TOP6BL: variants seen among roughly 807,000 people sequenced by gnomAD.
TOP6BL encodes TOP6B like initiator of meiotic double strand breaks, also known as type 2 DNA topoisomerase 6 subunit B-like.
chr11:66,792,973 T>A, the TOP6BL span, among the ~76,000 whole-genome samples: 1 of 152,228 alleles, frequency 6.6e-6, no homozygotes, highest in Non-Finnish European at 1.5e-5. Flanking sequence ...ATGAAGGATG[T>A]GACTATGATA....
the TOP6BL span, among the ~76,000 whole-genome samples, chr11:66,812,350 G>A: frequency 6.6e-6 from 1 of 151,976 alleles, no homozygotes; most frequent in Non-Finnish European, 1.5e-5. Flanking sequence ...CTAATTTTTT[G>A]TATTTTTAGT....
chr11:66,828,145 T>G, the TOP6BL span: 1 of 648,154 alleles, frequency 1.5e-6, no homozygotes, highest in Non-Finnish European at 2.7e-6. Context: ...AGAAAACTCT[T>G]AACTTTAATG....
the TOP6BL span, among the ~76,000 whole-genome samples, chr11:66,751,338 G>C: frequency 6.6e-6 from 1 of 151,982 alleles, no homozygotes. Flanking sequence ...AGGACCACAG[G>C]TGTGCACCAC....
the TOP6BL span, among the ~76,000 whole-genome samples, chr11:66,799,531 G>A: frequency 2.7e-5 from 4 of 148,646 alleles, no homozygotes; most frequent in African/African-American, 9.9e-5. Flanking sequence ...GGCCAACATG[G>A]CGAAACCCCA....
the TOP6BL span, among the ~76,000 whole-genome samples, chr11:66,812,185 C>CTTTTTTTTTTTTTTTT: frequency 2.9e-5 from 4 of 140,294 alleles, no homozygotes. Flanking sequence ...GAGTTTGCAT[C>CTTTTTTTTTTTTTTTT]TTTTTTTTTG....
At chr11:66,765,148 A>G in the TOP6BL span, among the ~76,000 whole-genome samples, 1 of 152,354 alleles carries the variant, frequency 6.6e-6, no homozygotes, top group East Asian at 1.9e-4. Flanking sequence ...AAGCCGTGTA[A>G]CTACAAGAGA....
chr11:66,835,658 G>C, the TOP6BL span, among the ~76,000 whole-genome samples: 1,082 of 152,248 alleles, frequency 7.1e-3, 8 homozygotes, highest in African/African-American at 0.024. Context: ...ATATAGATGG[G>C]ACCATACAAC....
chr11:66,814,059 A>C, the TOP6BL span: 1 of 1,542,802 alleles, frequency 6.5e-7, no homozygotes, highest in Non-Finnish European at 8.9e-7. Flanking sequence ...ACATTTGAAG[A>C]ATATTAGATA....
At chr11:66,770,343 A>G in the TOP6BL span, among the ~76,000 whole-genome samples, 3 of 152,158 alleles carry the variant, frequency 2.0e-5, no homozygotes, top group Non-Finnish European at 2.9e-5. Context: ...AGATACACAC[A>G]TGGCCAGTAA....
chr11:66,815,478 T>C, the TOP6BL span, among the ~76,000 whole-genome samples: 1 of 152,152 alleles, frequency 6.6e-6, no homozygotes, highest in African/African-American at 2.4e-5. Context: ...ATATATAGTA[T>C]TGGGGCTAAG....
the TOP6BL span, chr11:66,804,241 A>G: frequency 2.1e-6 from 3 of 1,444,812 alleles, no homozygotes; most frequent in Admixed American, 2.3e-5. Flanking sequence ...ATGGGTTTTT[A>G]TATCCCAGTT....
chr11:66,768,391 A>G, the TOP6BL span, among the ~76,000 whole-genome samples: 3 of 152,080 alleles, frequency 2.0e-5, no homozygotes, highest in African/African-American at 4.8e-5. Flanking sequence ...TGTAGACATG[A>G]TCTCATTCAT....
chr11:66,787,287 CATT>C, the TOP6BL span, among the ~76,000 whole-genome samples: 1 of 151,962 alleles, frequency 6.6e-6, no homozygotes, highest in Non-Finnish European at 1.5e-5. Context: ...GTGGTTAAAA[CATT>C]ATGAGATATG....
chr11:66,790,021 C>G, the TOP6BL span, among the ~76,000 whole-genome samples: 1 of 152,028 alleles, frequency 6.6e-6, no homozygotes, highest in Non-Finnish European at 1.5e-5. Context: ...ACCTGTAATC[C>G]CAGCACTTTG....
the TOP6BL span, among the ~76,000 whole-genome samples, chr11:66,778,758 A>T: frequency 6.6e-6 from 1 of 152,324 alleles, no homozygotes; most frequent in Admixed American, 6.5e-5. Flanking sequence ...CCTGACTTCA[A>T]ACTATTCTAC....
chr11:66,767,545 A>G, the TOP6BL span, among the ~76,000 whole-genome samples: 2 of 152,166 alleles, frequency 1.3e-5, no homozygotes, highest in Non-Finnish European at 2.9e-5. Context: ...TCTCATTTCC[A>G]TGTTTATTGA....
chr11:66,765,438 CTG>C, the TOP6BL span, among the ~76,000 whole-genome samples: 1 of 152,198 alleles, frequency 6.6e-6, no homozygotes, highest in African/African-American at 2.4e-5. Flanking sequence ...TAGTAGCCAA[CTG>C]TAGCCTAAGT....
chr11:66,836,857 C>T, the TOP6BL span, among the ~76,000 whole-genome samples: 24 of 151,664 alleles, frequency 1.6e-4, no homozygotes, highest in Non-Finnish European at 2.5e-4. Context: ...TGCGCCACCA[C>T]GCCTGGCTAA....
the TOP6BL span, among the ~76,000 whole-genome samples, chr11:66,793,454 T>G: frequency 2.0e-5 from 3 of 147,582 alleles, no homozygotes; most frequent in South Asian, 2.1e-4. Flanking sequence ...GTTTTTTTTT[T>G]TTTTTTTTTT....
Sources: gnomAD v4.1 joint callset for allele counts (sites outside exome capture counted in the v4.1 genomes callset) on GRCh38, gnomAD v4.1.1 for gene constraint, MANE v1.5 for transcripts, NCBI Gene and HGNC (gene_info 2026-07-23, HGNC 2026-07-21) for gene names.